GABRB1: variants seen among roughly 807,000 people sequenced by gnomAD.
The protein encoded by GABRB1 is gamma-aminobutyric acid type A receptor subunit beta1.
Under a neutral mutation model 51.6 loss-of-function variants are expected in GABRB1, and 17 were observed. The ratio of observed to expected loss-of-function variants is 0.33; its 90% confidence interval spans 0.23 to 0.49. GABRB1 has a LOEUF of 0.49. GABRB1 is among the 20% of genes least tolerant of loss of function. GABRB1 has a pLI of 0.99. For synonymous variants in GABRB1, 247 were observed against 218.9 expected (o/e 1.13, Z -1.14); for missense variants, 410 against 600.6 (o/e 0.68, Z 3.32).
intron 4 of GABRB1, among the ~76,000 whole-genome samples, chr4:47,307,428 A>G (rs1291411802): frequency 1.3e-5 from 2 of 152,030 alleles, no homozygotes; most frequent in African/African-American, 4.8e-5. Context: ...TTGAAAATAT[A>G]CAAAATCCCC....
chr4:47,380,803 C>CT lies in GABRB1; in HGVS notation c.545-22509dup, dbSNP rs1378330603. Among the ~76,000 whole-genome samples, 7 of 152,208 alleles carry CT rather than the reference C, an allele frequency of 4.6e-5. No individual in the cohort carries two copies. The East Asian group carries it at 1.2e-3, about 25-fold the overall frequency. The stretch of plus-strand genomic sequence containing the variant: ...GGCACTGGACTTCATAATCTCTGTA[C>CT]TTTTTTCTATAGATAAAGATAAAAT... On this transcript the variant is annotated intron_variant, in intron 5 of 8. Coordinates refer to ENST00000295454, the MANE Select transcript of GABRB1 (RefSeq NM_000812.4).
intron 8 of GABRB1, among the ~76,000 whole-genome samples, chr4:47,414,802 G>T (rs7679148): frequency 0.26 from 39,238 of 151,996 alleles, 5,334 homozygotes; most frequent in African/African-American, 0.33. Flanking sequence ...ATTCCAGGAT[G>T]CAATGTGCAG....
intron 3 of GABRB1, among the ~76,000 whole-genome samples, chr4:47,045,873 T>C (rs1213784101): frequency 6.6e-6 from 1 of 152,078 alleles, no homozygotes; most frequent in African/African-American, 2.4e-5. Context: ...ATTCAACATT[T>C]ACACTGTAAC....
intron 4 of GABRB1, among the ~76,000 whole-genome samples, chr4:47,169,244 A>G (rs1412022286): frequency 6.6e-5 from 10 of 152,124 alleles, no homozygotes; most frequent in Non-Finnish European, 1.5e-4. Flanking sequence ...CTAAAAAAGG[A>G]CTGAACTCAC....
At chr4:47,055,116 C>T (rs566238371) in intron 3 of GABRB1, among the ~76,000 whole-genome samples, 34 of 152,270 alleles carry the variant, frequency 2.2e-4, no homozygotes, top group South Asian at 2.1e-3. Flanking sequence ...AACTCATAAA[C>T]ATTTATCTTT....
chr4:47,150,009 C>G (rs918819642), intron 3 of GABRB1, among the ~76,000 whole-genome samples: 3 of 151,934 alleles, frequency 2.0e-5, no homozygotes, highest in African/African-American at 7.2e-5. Context: ...TGAGACTTTT[C>G]ACACATTTGG....
chr4:47,364,333 C>A (rs1389255524), intron 5 of GABRB1, among the ~76,000 whole-genome samples: 2 of 151,924 alleles, frequency 1.3e-5, no homozygotes, highest in African/African-American at 4.8e-5. Context: ...AAGCTTCTTG[C>A]CTTTTTGTAG....
intron 3 of GABRB1, among the ~76,000 whole-genome samples, chr4:47,039,192 T>C (rs1274255949): frequency 6.6e-6 from 1 of 151,828 alleles, no homozygotes; most frequent in Non-Finnish European, 1.5e-5. Context: ...CAGTTACCCC[T>C]TTTAGAGTCC....
intron 5 of GABRB1, among the ~76,000 whole-genome samples, chr4:47,386,019 C>T (rs1222872312): frequency 2.0e-5 from 3 of 152,172 alleles, no homozygotes; most frequent in Admixed American, 2.0e-4. Context: ...GATGTGTTCA[C>T]CAGCCTGGAA....
chr4:47,343,497 G>A (rs1725978376), intron 5 of GABRB1, among the ~76,000 whole-genome samples: 1 of 152,184 alleles, frequency 6.6e-6, no homozygotes, highest in Non-Finnish European at 1.5e-5. Flanking sequence ...AATTCAGTAA[G>A]TGAATTTGTT....
intron 4 of GABRB1, among the ~76,000 whole-genome samples, chr4:47,262,130 T>C (rs1179162760): frequency 4.0e-5 from 6 of 151,320 alleles, no homozygotes; most frequent in Non-Finnish European, 5.9e-5. Flanking sequence ...GACATAGGCA[T>C]GGGCAAGGAC....
chr4:47,057,114 A>T (rs1367472511), intron 3 of GABRB1, among the ~76,000 whole-genome samples: 1 of 152,118 alleles, frequency 6.6e-6, no homozygotes, highest in Non-Finnish European at 1.5e-5. Context: ...CAAAAAACAA[A>T]CAAACAAACA....
upstream of GABRB1, among the ~76,000 whole-genome samples, chr4:47,030,115 T>C (rs1669038947): frequency 6.6e-6 from 1 of 152,200 alleles, no homozygotes; most frequent in African/African-American, 2.4e-5. Flanking sequence ...TGGATAGAAT[T>C]GACATCCTTA....
intron 4 of GABRB1, among the ~76,000 whole-genome samples, chr4:47,180,120 A>G (rs12500569): frequency 0.86 from 130,260 of 151,828 alleles, 55,885 homozygotes; most frequent in Middle Eastern, 0.92. Context: ...GGCACTAGTC[A>G]CAATCTTTTT....
chr4:47,386,923 CATAGAG>C (rs1727814517), intron 5 of GABRB1, among the ~76,000 whole-genome samples: 1 of 151,970 alleles, frequency 6.6e-6, no homozygotes, highest in African/African-American at 2.4e-5. Flanking sequence ...ATATGAGAAA[CATAGAG>C]ATATAGACGA....
intron 4 of GABRB1, among the ~76,000 whole-genome samples, chr4:47,297,547 G>A (rs1724054891): frequency 6.6e-6 from 1 of 152,108 alleles, no homozygotes; most frequent in East Asian, 1.9e-4. Flanking sequence ...ACCCTCCCAA[G>A]ACTAAACCAG....
At chr4:47,193,402 G>A (rs551393068) in intron 4 of GABRB1, among the ~76,000 whole-genome samples, 138 of 152,316 alleles carry the variant, frequency 9.1e-4, no homozygotes, top group Middle Eastern at 3.4e-3. Flanking sequence ...TTACAGGCGT[G>A]AGCCACTGCA....
chr4:47,246,325 C>CATAT (rs1721742782), intron 4 of GABRB1, among the ~76,000 whole-genome samples: 1 of 76,864 alleles, frequency 1.3e-5, no homozygotes, highest in Non-Finnish European at 2.6e-5. Context: ...CACACACACA[C>CATAT]ACACATATGT....
chr4:47,333,259 G>A (rs906507059), intron 5 of GABRB1, among the ~76,000 whole-genome samples: 1 of 141,330 alleles, frequency 7.1e-6, no homozygotes, highest in Non-Finnish European at 1.5e-5. Context: ...TAATATGAAT[G>A]TGACCAATAA....
Sources: allele counts gnomAD v4.1 joint callset (sites outside exome capture counted in the v4.1 genomes callset), GRCh38; gene constraint gnomAD v4.1.1; transcripts MANE v1.5; gene names NCBI Gene and HGNC (gene_info 2026-07-23, HGNC 2026-07-21).